CRB1: variants seen among roughly 807,000 people sequenced by gnomAD.
CRB1 encodes the protein protein crumbs homolog 1.
Under a neutral mutation model 120.0 loss-of-function variants are expected in CRB1, and 83 were observed. The observed-to-expected ratio is 0.69, with a 90% CI of 0.58 to 0.83. The LOEUF is 0.83. CRB1 is among the 40% of genes least tolerant of loss of function. The pLI, the probability that CRB1 is intolerant of heterozygous loss-of-function variation, is 0.00. For synonymous variants in CRB1, 625 were observed against 612.5 expected (o/e 1.02, Z -0.30); for missense variants, 1,699 against 1,687.6 (o/e 1.01, Z -0.12).
At chr1:197,366,160 T>C (rs143325227) in intron 5 of CRB1, among the ~76,000 whole-genome samples, 44 of 152,196 alleles carry the variant, frequency 2.9e-4, no homozygotes, top group Non-Finnish European at 2.9e-5. Context: ...ATATTTATAA[T>C]TAATTATTAA....
At chr1:197,250,685 ACCTG>A in the CRB1 span, among the ~76,000 whole-genome samples, 4 of 151,984 alleles carry the variant, frequency 2.6e-5, no homozygotes, top group Non-Finnish European at 5.9e-5. Flanking sequence ...GTATTATAGT[ACCTG>A]CCATTAGCTT....
At chr1:197,264,325 G>A (rs1323536188), upstream of CRB1, among the ~76,000 whole-genome samples, 1 of 152,108 alleles carries the variant, frequency 6.6e-6, no homozygotes, top group Admixed American at 6.5e-5. Flanking sequence ...TGGCTGAATT[G>A]AATTCCATTG....
intron 11 of CRB1, among the ~76,000 whole-genome samples, chr1:197,453,893 T>A (rs949382412): frequency 8.8e-5 from 12 of 135,636 alleles, no homozygotes; most frequent in Admixed American, 2.4e-4. Flanking sequence ...ATTATTAATA[T>A]TATTATATTA....
Position 197,405,129 on chromosome 1 carries a change from G to A in CRB1, c.1172-15871G>A, listed in dbSNP as rs1184980078. Among the ~76,000 whole-genome samples, 27 of 151,900 alleles carry A rather than the reference G, an allele frequency of 1.8e-4. 1 individual carries two copies. The highest frequency in any genetic ancestry group is 6.5e-4 in the African/African-American group (27 of 41,368). ...CACGGTCTCCCTCTGATGCCGAGCC[G>A]AAGCTGGACTGTACTGCTGCCATCT... On this transcript the variant is annotated intron_variant, in intron 5 of 11. Coordinates refer to ENST00000367400, the MANE Select transcript of CRB1 (RefSeq NM_201253.3).
At chr1:197,377,888 G>T (rs1225172816) in intron 5 of CRB1, among the ~76,000 whole-genome samples, 2 of 152,148 alleles carry the variant, frequency 1.3e-5, no homozygotes, top group Non-Finnish European at 2.9e-5. Flanking sequence ...TTTGTGCAAT[G>T]AAGCACTTCC....
At chr1:197,475,601 A>G (rs1450698775) in intron 11 of CRB1, among the ~76,000 whole-genome samples, 1 of 152,148 alleles carries the variant, frequency 6.6e-6, no homozygotes, top group Non-Finnish European at 1.5e-5. Context: ...AGAGCTTATC[A>G]AGTCATGCTT....
chr1:197,222,046 C>T, the CRB1 span, among the ~76,000 whole-genome samples: 1 of 152,190 alleles, frequency 6.6e-6, no homozygotes, highest in South Asian at 2.1e-4. Flanking sequence ...TCAATATATA[C>T]AGGTATAATT....
chr1:197,240,093 A>G, the CRB1 span, among the ~76,000 whole-genome samples: 1 of 152,030 alleles, frequency 6.6e-6, no homozygotes, highest in South Asian at 2.1e-4. Context: ...TCAGTGATTA[A>G]ACATAATTTA....
intron 11 of CRB1, among the ~76,000 whole-genome samples, chr1:197,467,875 A>T (rs866866838): frequency 6.6e-6 from 1 of 152,230 alleles, no homozygotes; most frequent in African/African-American, 2.4e-5. Context: ...GTGAGTACAC[A>T]TGAAATTGCT....
At chr1:197,261,464 T>C in the CRB1 span, among the ~76,000 whole-genome samples, 48 of 152,342 alleles carry the variant, frequency 3.2e-4, no homozygotes, top group East Asian at 8.1e-3. Flanking sequence ...AGACACGCTG[T>C]TGAGTGAGAA....
chr1:197,440,213 A>G (rs1665367173), intron 10 of CRB1: 1 of 152,188 alleles, frequency 6.6e-6, no homozygotes, highest in Non-Finnish European at 1.5e-5. Context: ...GCCTAATGGC[A>G]CAATGCATGG....
chr1:197,312,022 T>A (rs913096723), intron 1 of CRB1, among the ~76,000 whole-genome samples: 2 of 152,168 alleles, frequency 1.3e-5, no homozygotes, highest in African/African-American at 4.8e-5. Context: ...TATTCTTTTC[T>A]GTAAGTCGTA....
intron 1 of CRB1, among the ~76,000 whole-genome samples, chr1:197,310,747 C>A (rs1244042832): frequency 1.3e-5 from 2 of 152,012 alleles, no homozygotes; most frequent in Admixed American, 6.6e-5. Context: ...TTTGCATAGT[C>A]ATATTAGTTC....
intron 11 of CRB1, among the ~76,000 whole-genome samples, chr1:197,449,744 G>A (rs1050198674): frequency 2.0e-5 from 3 of 152,178 alleles, no homozygotes; most frequent in Admixed American, 2.0e-4. Flanking sequence ...GCCCTCTGTG[G>A]TGTGTCACAG....
At chr1:197,444,744 T>G (rs1355583304) in intron 11 of CRB1, 1 of 152,224 alleles carries the variant, frequency 6.6e-6, no homozygotes, top group Non-Finnish European at 1.5e-5. Flanking sequence ...CTTTTTATTC[T>G]TCTGTATTTT....
chr1:197,414,812 T>TC (rs923427872), intron 5 of CRB1, among the ~76,000 whole-genome samples: 45 of 152,238 alleles, frequency 3.0e-4, no homozygotes, highest in Admixed American at 3.3e-4. Context: ...TTATCTTTTT[T>TC]CCCACTTTTA....
chr1:197,320,030 G>T (rs1658100504), intron 1 of CRB1, among the ~76,000 whole-genome samples: 1 of 152,192 alleles, frequency 6.6e-6, no homozygotes, highest in African/African-American at 2.4e-5. Context: ...AGATTAAATG[G>T]TTAATTATTC....
intron 2 of CRB1, among the ~76,000 whole-genome samples, chr1:197,335,017 G>A (rs1408579388): frequency 6.6e-6 from 1 of 152,222 alleles, no homozygotes; most frequent in Non-Finnish European, 1.5e-5. Flanking sequence ...GATCAAGAAA[G>A]TCTTCACTGA....
chr1:197,269,768 C>A (rs1337465463), intron 1 of CRB1, among the ~76,000 whole-genome samples: 1 of 151,932 alleles, frequency 6.6e-6, no homozygotes, highest in East Asian at 1.9e-4. Context: ...GAGTTTGCTG[C>A]AGTTTGTTTT....
Sources: gnomAD v4.1 joint callset for allele counts (sites outside exome capture counted in the v4.1 genomes callset) on GRCh38, gnomAD v4.1.1 for gene constraint, MANE v1.5 for transcripts, NCBI Gene and HGNC (gene_info 2026-07-23, HGNC 2026-07-21) for gene names.